GPC5: variants seen among roughly 807,000 people sequenced by gnomAD.
GPC5 encodes glypican 5.
In GPC5, 47 loss-of-function variants were observed where a neutral mutation model predicts 53.9. That is an observed-to-expected ratio of 0.87 (90% CI 0.69 to 1.11). The LOEUF is 1.11. Among genes scored for constraint, GPC5 ranks in the 50% most tolerant of loss-of-function variants. GPC5 has a pLI of 0.00. For missense variants in GPC5, 748 were observed against 713.1 expected (o/e 1.05, Z -0.56); for synonymous variants, 286 against 263.3 (o/e 1.09, Z -0.84).
At chr13:92,002,129 ACAACTGAC>A (rs1246171564) in intron 6 of GPC5, among the ~76,000 whole-genome samples, 6 of 125,008 alleles carry the variant, frequency 4.8e-5, no homozygotes, top group East Asian at 4.2e-4. Context: ...ATACTTTGGA[ACAACTGAC>A]AAAAATCTGA....
chr13:92,072,569 AT>A (rs34169387), intron 6 of GPC5, among the ~76,000 whole-genome samples: 44,134 of 103,970 alleles, frequency 0.42, 9,288 homozygotes, highest in Admixed American at 0.53. Context: ...TGGCCACTAA[AT>A]TTTTTTTTTT....
chr13:92,056,918 C>A (rs1040360254), intron 6 of GPC5, among the ~76,000 whole-genome samples: 16 of 152,124 alleles, frequency 1.1e-4, no homozygotes, highest in Non-Finnish European at 2.9e-5. Context: ...GTTTGATTAA[C>A]CTCAGTTACC....
At position 91,549,506 on chromosome 13, in the gene GPC5, C is replaced by A. The variant is rs115449455; in HGVS notation, c.325+100584C>A. On this transcript the variant is annotated intron_variant, in intron 2 of 7. Coordinates refer to ENST00000377067, the MANE Select transcript of GPC5 (RefSeq NM_004466.6). The stretch of plus-strand genomic sequence containing the variant: ...AAAATATTTGAATATTTGCAAAAGA[C>A]ACATCTGATAAAGGACTGTTATCCA... Among the ~76,000 whole-genome samples the A allele has an allele frequency of 5.4e-4, 82 of 152,154 alleles. 1 individual carries two copies. Among genetic ancestry groups the A allele is most frequent in the African/African-American group, 1.9e-3 (77 of 41,538 alleles).
chr13:91,927,749 C>G (rs1486278240), intron 6 of GPC5, among the ~76,000 whole-genome samples: 1 of 152,088 alleles, frequency 6.6e-6, no homozygotes, highest in East Asian at 1.9e-4. Context: ...AGTGAACAGG[C>G]TATTAAAACT....
At chr13:92,737,005 C>T (rs556854559) in intron 7 of GPC5, among the ~76,000 whole-genome samples, 6 of 152,012 alleles carry the variant, frequency 3.9e-5, no homozygotes, top group Non-Finnish European at 8.8e-5. Context: ...AATACAGATG[C>T]CACTTCTGTA....
At chr13:92,637,997 C>G (rs568162403) in intron 7 of GPC5, among the ~76,000 whole-genome samples, 7 of 152,052 alleles carry the variant, frequency 4.6e-5, no homozygotes, top group African/African-American at 1.7e-4. Flanking sequence ...AGCAGATTAT[C>G]AATTGTAGTA....
chr13:91,781,867 A>G (rs868531264), intron 5 of GPC5, among the ~76,000 whole-genome samples: 2 of 152,182 alleles, frequency 1.3e-5, no homozygotes, highest in Admixed American at 6.5e-5. Context: ...CCTTTCTTCA[A>G]ATGAAGGTTC....
At chr13:92,062,323 T>C (rs890912160) in intron 6 of GPC5, among the ~76,000 whole-genome samples, 10 of 152,006 alleles carry the variant, frequency 6.6e-5, no homozygotes, top group African/African-American at 2.4e-4. Context: ...GAAATACTGT[T>C]CTTACATTCA....
intron 7 of GPC5, among the ~76,000 whole-genome samples, chr13:92,268,893 T>A (rs752121294): frequency 6.6e-6 from 1 of 152,162 alleles, no homozygotes; most frequent in Non-Finnish European, 1.5e-5. Flanking sequence ...AAACTTTTTT[T>A]AGTATGTTTA....
chr13:92,384,925 AC>A (rs1443706354), intron 7 of GPC5, among the ~76,000 whole-genome samples: 20 of 152,090 alleles, frequency 1.3e-4, no homozygotes, highest in African/African-American at 4.6e-4. Flanking sequence ...ACCACCTTTG[AC>A]TTTGAAAGCA....
chr13:92,331,923 A>G (rs1198012103), intron 7 of GPC5, among the ~76,000 whole-genome samples: 1 of 152,150 alleles, frequency 6.6e-6, no homozygotes, highest in Non-Finnish European at 1.5e-5. Context: ...AAATAAGAAA[A>G]AATGGAGCCC....
intron 7 of GPC5, among the ~76,000 whole-genome samples, chr13:92,802,617 G>T (rs557505399): frequency 6.6e-6 from 1 of 151,866 alleles, no homozygotes; most frequent in Non-Finnish European, 1.5e-5. Context: ...ACTATGCTGA[G>T]AATGATGGTT....
intron 7 of GPC5, among the ~76,000 whole-genome samples, chr13:92,685,752 C>A (rs1366274973): frequency 1.0e-5 from 1 of 95,604 alleles, no homozygotes; most frequent in Non-Finnish European, 2.0e-5. Flanking sequence ...GTGATATTCC[C>A]CTTCCTGTGT....
chr13:91,799,771 T>G (rs1379622836), intron 5 of GPC5, among the ~76,000 whole-genome samples: 1 of 152,194 alleles, frequency 6.6e-6, no homozygotes, highest in Non-Finnish European at 1.5e-5. Context: ...TTGCAATAGA[T>G]TCTAGCTAAC....
chr13:92,193,309 T>C (rs996122848), intron 7 of GPC5, among the ~76,000 whole-genome samples: 8 of 152,240 alleles, frequency 5.3e-5, no homozygotes, highest in African/African-American at 9.6e-5. Flanking sequence ...AAAGCAGAGT[T>C]TACTGGTTCA....
chr13:92,196,983 G>A (rs1261779589), intron 7 of GPC5, among the ~76,000 whole-genome samples: 1 of 152,170 alleles, frequency 6.6e-6, no homozygotes, highest in Admixed American at 6.5e-5. Flanking sequence ...ACCGAAAACG[G>A]TACACTGGAA....
At chr13:91,433,993 T>C (rs1879705041) in intron 1 of GPC5, among the ~76,000 whole-genome samples, 1 of 152,242 alleles carries the variant, frequency 6.6e-6, no homozygotes, top group Non-Finnish European at 1.5e-5. Context: ...GCTGCATAAA[T>C]GTCTTCTTTT....
intron 1 of GPC5, among the ~76,000 whole-genome samples, chr13:91,416,448 A>G (rs1878233305): frequency 1.3e-5 from 2 of 151,338 alleles, no homozygotes; most frequent in South Asian, 4.1e-4. Context: ...GAGAGAATCC[A>G]TTTCTTTTAT....
intron 5 of GPC5, among the ~76,000 whole-genome samples, chr13:91,776,542 C>T (rs989136738): frequency 2.0e-5 from 3 of 152,104 alleles, no homozygotes; most frequent in Non-Finnish European, 4.4e-5. Flanking sequence ...GTCGCTATTT[C>T]CAGAAATAAA....
Sources: allele counts gnomAD v4.1 joint callset (sites outside exome capture counted in the v4.1 genomes callset), GRCh38; gene constraint gnomAD v4.1.1; transcripts MANE v1.5; gene names NCBI Gene and HGNC (gene_info 2026-07-23, HGNC 2026-07-21).